Variants in LRRK2 observed in about 807,000 individuals in gnomAD.
LRRK2 encodes the protein leucine-rich repeat serine/threonine-protein kinase 2.
LRRK2 carries 203 observed loss-of-function variants against 302.6 expected under a neutral mutation model. The observed-to-expected ratio is 0.67, with a 90% CI of 0.60 to 0.75. The LOEUF is 0.75. Among genes scored for constraint, LRRK2 ranks in the 30% least tolerant of loss-of-function variants. The pLI, the probability that LRRK2 is intolerant of heterozygous loss-of-function variation, is 0.00. For synonymous variants in LRRK2, 1,066 were observed against 1,031.9 expected (o/e 1.03, Z -0.63); for missense variants, 2,830 against 2,951.0 (o/e 0.96, Z 0.95).
intron 2 of LRRK2, among the ~76,000 whole-genome samples, chr12:40,229,349 G>A (rs1941059750): frequency 6.6e-6 from 1 of 151,972 alleles, no homozygotes; most frequent in Admixed American, 6.6e-5. Context: ...TAAAGATTAA[G>A]GTTTGTTTCT....
chr12:40,227,413 T>C (rs1459279391), intron 2 of LRRK2, among the ~76,000 whole-genome samples: 1 of 152,180 alleles, frequency 6.6e-6, no homozygotes, highest in Non-Finnish European at 1.5e-5. Context: ...TGCTTGTATC[T>C]AATTATATTT....
intron 24 of LRRK2, 75 bp from the exon 25 acceptor site, chr12:40,299,034 A>C (rs1311059805): frequency 2.7e-5 from 40 of 1,489,124 alleles, no homozygotes; most frequent in Non-Finnish European, 3.7e-5. Context: ...TTTGAAAGCA[A>C]ATTGTTTTTG....
intron 43 of LRRK2, 91 bp downstream of exon 43, chr12:40,348,600 A>G: frequency 2.5e-6 from 2 of 810,436 alleles, no homozygotes; most frequent in Non-Finnish European, 4.1e-6. Flanking sequence ...ACTTAAACAC[A>G]TAAACACACA....
At position 40,352,608 on chromosome 12, in the gene LRRK2, G is replaced by C. The variant is rs371804959; in HGVS notation, c.6576+875G>C. On this transcript the variant is annotated intron_variant, in intron 44 of 50. Coordinates refer to ENST00000298910, the MANE Select transcript of LRRK2 (RefSeq NM_198578.4). Reference sequence around the variant, plus strand: ...GTTTTCCTAGGCAGAGGACCCTGCGGCCTTCCGTAGTGTTTGTGTCCCTGG... The same window carrying C: ...GTTTTCCTAGGCAGAGGACCCTGCGCCCTTCCGTAGTGTTTGTGTCCCTGG... Among the ~76,000 whole-genome samples, 422 of 151,044 alleles carry C rather than the reference G, an allele frequency of 2.8e-3. 4 individuals carry two copies. The highest frequency in any genetic ancestry group is 9.2e-3 in the African/African-American group (378 of 41,080).
intron 14 of LRRK2, among the ~76,000 whole-genome samples, chr12:40,268,851 T>C (rs1943124051): frequency 6.6e-6 from 1 of 152,144 alleles, no homozygotes; most frequent in Non-Finnish European, 1.5e-5. Context: ...AAATTTGTAA[T>C]GTTATGATAT....
intron 24 of LRRK2, 90 bp downstream of exon 24, chr12:40,298,583 A>ACAACATGCTATAAAAATT (rs1944471309): frequency 6.7e-7 from 1 of 1,500,202 alleles, no homozygotes; most frequent in Admixed American, 1.7e-5. Flanking sequence ...ATGAGTTTTA[A>ACAACATGCTATAAAAATT]CAACATGGTG....
intron 25 of LRRK2, among the ~76,000 whole-genome samples, chr12:40,301,218 AT>A (rs1384381671): frequency 6.6e-6 from 1 of 152,126 alleles, no homozygotes; most frequent in Non-Finnish European, 1.5e-5. Context: ...ACCACTAACC[AT>A]TAAAAAATAA....
intron 20 of LRRK2, among the ~76,000 whole-genome samples, chr12:40,291,325 T>C (rs1414526303): frequency 6.6e-6 from 1 of 151,830 alleles, no homozygotes; most frequent in African/African-American, 2.4e-5. Flanking sequence ...ATACACCTAA[T>C]GTAAATGAGG....
At chr12:40,236,617 G>C (rs1941477719) in intron 4 of LRRK2, among the ~76,000 whole-genome samples, 1 of 152,132 alleles carries the variant, frequency 6.6e-6, no homozygotes. Flanking sequence ...GAGAAGTATG[G>C]GTGCAGAGGC....
In LRRK2 at chr12:40,277,739, G is replaced by A. The variant is rs1335965909; in HGVS notation, c.1942-149G>A. The A allele has an allele frequency of 7.2e-6, 5 of 698,444 alleles. No individual in the cohort carries two copies. The East Asian group carries it at 1.1e-4, about 15-fold the overall frequency. The allele number at this position is 698,444 out of a possible 1,614,324, so 43.3% of individuals were successfully genotyped here. A position where few individuals can be genotyped will look rare whatever the true frequency, so the allele number is the denominator to read the frequency against. ...AGAGAGAGGGAGTATTTATTTACAG[G>A]ATAAATACTTTAAAGCACCAACCCA... On this transcript the variant is annotated intron_variant, in intron 16 of 50. Coordinates refer to ENST00000298910, the MANE Select transcript of LRRK2 (RefSeq NM_198578.4).
chr12:40,269,249 A>G (rs1943139571), intron 14 of LRRK2, among the ~76,000 whole-genome samples: 1 of 152,196 alleles, frequency 6.6e-6, no homozygotes, highest in Non-Finnish European at 1.5e-5. Context: ...AAATGTGGCA[A>G]CAAACTAAAT....
chr12:40,249,067 T>C (rs559249983), intron 7 of LRRK2, among the ~76,000 whole-genome samples: 1 of 152,320 alleles, frequency 6.6e-6, no homozygotes, highest in African/African-American at 2.4e-5. Flanking sequence ...TTTCTGGCTT[T>C]GTATCTCAGA....
At chr12:40,322,688 A>G (rs999445631) in intron 37 of LRRK2, among the ~76,000 whole-genome samples, 178 bp downstream of exon 37, 1 of 152,120 alleles carries the variant, frequency 6.6e-6, no homozygotes. Context: ...CTTGTATTCT[A>G]GATTCAGAAA....
At chr12:40,257,777 G>GAAC (rs1942588001) in intron 12 of LRRK2, among the ~76,000 whole-genome samples, 1 of 152,236 alleles carries the variant, frequency 6.6e-6, no homozygotes, top group South Asian at 2.1e-4. Context: ...AATGAACTTT[G>GAAC]TCTTCTCTTC....
intron 44 of LRRK2, 38 bp downstream of exon 44, chr12:40,351,771 AG>A: frequency 6.3e-7 from 1 of 1,589,154 alleles, no homozygotes; most frequent in South Asian, 1.1e-5. Flanking sequence ...CATAATTTAA[AG>A]CATATACCAT....
chr12:40,229,831 G>A (rs998309643), intron 2 of LRRK2, among the ~76,000 whole-genome samples: 4 of 152,166 alleles, frequency 2.6e-5, no homozygotes, highest in Admixed American at 2.0e-4. Context: ...GTGCTGGAGA[G>A]CTCAGTTGCC....
chr12:40,302,505 C>T (rs1224562583), intron 25 of LRRK2, among the ~76,000 whole-genome samples: 1 of 151,952 alleles, frequency 6.6e-6, no homozygotes, highest in Non-Finnish European at 1.5e-5. Context: ...AATGAATATT[C>T]TAGGAATTTT....
At chr12:40,317,624 A>T (rs1945266063) in intron 33 of LRRK2, among the ~76,000 whole-genome samples, 1 of 152,120 alleles carries the variant, frequency 6.6e-6, no homozygotes, top group Admixed American at 6.6e-5. Context: ...CTATTCAATT[A>T]ATCAGGTGGA....
chr12:40,333,472 A>C (rs978064867), intron 39 of LRRK2, among the ~76,000 whole-genome samples: 1 of 152,132 alleles, frequency 6.6e-6, no homozygotes, highest in Non-Finnish European at 1.5e-5. Flanking sequence ...TTTCAGAGTA[A>C]AGTGCAATAT....
Sources: allele counts gnomAD v4.1 joint callset (sites outside exome capture counted in the v4.1 genomes callset), GRCh38; gene constraint gnomAD v4.1.1; transcripts MANE v1.5; gene names NCBI Gene and HGNC (gene_info 2026-07-23, HGNC 2026-07-21).